CDC5L: variants seen among roughly 807,000 people sequenced by gnomAD.
CDC5L encodes the protein cell division cycle 5 like.
Under a neutral mutation model 104.1 loss-of-function variants are expected in CDC5L, and 18 were observed. That is an observed-to-expected ratio of 0.17 (90% CI 0.12 to 0.26). The LOEUF (loss-of-function observed/expected upper bound fraction) is 0.26. Ranked by LOEUF, CDC5L falls within the 10% of genes least tolerant of loss-of-function variation. The pLI is 1.00. For missense variants in CDC5L, 673 were observed against 956.9 expected (o/e 0.70, Z 3.91); for synonymous variants, 331 against 322.7 (o/e 1.03, Z -0.28).
At chr6:44,413,194 C>G (rs962216447) in intron 8 of CDC5L, among the ~76,000 whole-genome samples, 46 of 152,292 alleles carry the variant, frequency 3.0e-4, no homozygotes, top group African/African-American at 1.1e-3. Context: ...TACTTTGTGT[C>G]TCTATAGAGT....
chr6:44,397,504 A>T (rs553879107), intron 5 of CDC5L, among the ~76,000 whole-genome samples: 9 of 152,230 alleles, frequency 5.9e-5, no homozygotes, highest in African/African-American at 9.6e-5. Context: ...AACCATATTT[A>T]AAAAAAATTG....
At chr6:44,405,891 C>T (rs1791341272) in intron 6 of CDC5L, among the ~76,000 whole-genome samples, 1 of 150,518 alleles carries the variant, frequency 6.6e-6, no homozygotes, top group African/African-American at 2.4e-5. Flanking sequence ...TTGTTTTTAC[C>T]TTTTTTTAGC....
chr6:44,424,685 C>G (rs1340375612), intron 11 of CDC5L, 102 bp downstream of exon 11: 1 of 1,065,190 alleles, frequency 9.4e-7, no homozygotes, highest in Non-Finnish European at 1.4e-6. Flanking sequence ...CTACCTAGTC[C>G]TTTTTAATAT....
Position 44,387,780 on chromosome 6 carries a change from C to G in CDC5L, c.-44C>G. Reference sequence around the variant, plus strand: ...TGGCCCAATCGCTGTTACTACTTCTCTGAAGCTCCTCTCGGCTGCTTGCCG... The same window carrying G: ...TGGCCCAATCGCTGTTACTACTTCTGTGAAGCTCCTCTCGGCTGCTTGCCG... On this transcript the variant is annotated 5_prime_UTR_variant, in exon 1 of 16. Coordinates refer to ENST00000371477, the MANE Select transcript of CDC5L (RefSeq NM_001253.4). 1 of 1,536,168 alleles carries G rather than the reference C, an allele frequency of 6.5e-7. No individual in the cohort carries two copies. The highest frequency in any genetic ancestry group is 1.4e-5 in the African/African-American group (1 of 72,898).
At position 44,417,185 on chromosome 6, in the gene CDC5L, T is replaced by C. The variant is rs540274587; in HGVS notation, c.1093-2264T>C. ...CAGCGGTTCTGTGTGATTTGATGGA[T>C]AGGGGATAGAGTCATTTGGAGGTGT... On this transcript the variant is annotated intron_variant, in intron 8 of 15. Coordinates refer to ENST00000371477, the MANE Select transcript of CDC5L (RefSeq NM_001253.4). 2.0e-5 allele frequency among the ~76,000 whole-genome samples: 3 copies of C among 152,162 alleles called. No homozygotes were observed. In the South Asian group the frequency reaches 6.2e-4, roughly 32 times the overall value.
At chr6:44,414,270 A>G (rs1791802291) in intron 8 of CDC5L, among the ~76,000 whole-genome samples, 1 of 151,484 alleles carries the variant, frequency 6.6e-6, no homozygotes, top group Non-Finnish European at 1.5e-5. Context: ...TAGAGATGGG[A>G]TCTCACTATG....
intron 1 of CDC5L, among the ~76,000 whole-genome samples, chr6:44,389,131 G>A (rs947237401): frequency 6.6e-6 from 1 of 152,136 alleles, no homozygotes; most frequent in African/African-American, 2.4e-5. Flanking sequence ...ACAGGTATTT[G>A]CAGAATGAAT....
chr6:44,390,874 AAT>A (rs564972977), intron 2 of CDC5L, among the ~76,000 whole-genome samples: 562 of 147,782 alleles, frequency 3.8e-3, no homozygotes, highest in Admixed American at 5.7e-3. Flanking sequence ...TTTTATAGTT[AAT>A]ATGTTATATA....
chr6:44,427,121 G>A (rs940144257), intron 13 of CDC5L, among the ~76,000 whole-genome samples: 7 of 152,162 alleles, frequency 4.6e-5, no homozygotes, highest in African/African-American at 1.7e-4. Context: ...AATGTTTATA[G>A]ATTAAACCTT....
At chr6:44,403,109 A>G (rs1791204406) in intron 5 of CDC5L, among the ~76,000 whole-genome samples, 1 of 152,192 alleles carries the variant, frequency 6.6e-6, no homozygotes, top group Non-Finnish European at 1.5e-5. Flanking sequence ...GCACCAATAT[A>G]CTTTTTCATT....
Position 44,446,606 on chromosome 6 carries a change from G to T in CDC5L, c.2305-1G>T. The T allele has an allele frequency of 6.8e-7, 1 of 1,477,812 alleles. No individual in the cohort carries two copies. Among genetic ancestry groups the T allele is most frequent in the Non-Finnish European group, 9.2e-7 (1 of 1,088,420 alleles). 91.5% of individuals were successfully genotyped at this position (1,477,812 alleles called of 1,614,324 possible). On this transcript the variant is annotated splice_acceptor_variant, in intron 15 of 15. Transcript: ENST00000371477. LOFTEE classifies it high-confidence loss of function. Reference sequence around the variant, plus strand: ...TAATTACTTAATTTTTTTTCTTTAAGTGTCTAAAAGAAGACGTTCAGCGAC... The same window carrying T: ...TAATTACTTAATTTTTTTTCTTTAATTGTCTAAAAGAAGACGTTCAGCGAC...
At chr6:44,427,736 C>T (rs182938090) in intron 13 of CDC5L, among the ~76,000 whole-genome samples, 81 of 152,248 alleles carry the variant, frequency 5.3e-4, no homozygotes, top group African/African-American at 1.8e-3. Context: ...CTCTGTCGAG[C>T]ACATTTAATC....
At chr6:44,417,075 T>C (rs1213837118) in intron 8 of CDC5L, among the ~76,000 whole-genome samples, 3 of 152,216 alleles carry the variant, frequency 2.0e-5, no homozygotes, top group African/African-American at 7.2e-5. Flanking sequence ...TGCTTATGAC[T>C]TCTGTGAGTC....
At chr6:44,412,797 T>TG (rs1791709600) in intron 8 of CDC5L, among the ~76,000 whole-genome samples, 1 of 145,080 alleles carries the variant, frequency 6.9e-6, no homozygotes, top group Non-Finnish European at 1.5e-5. Context: ...TTTTTTTTTT[T>TG]TTTGAGACGG....
Position 44,392,745 on chromosome 6 carries a change from G to A in CDC5L, c.228G>A (p.Lys76=). 2 of 1,614,200 alleles carry A rather than the reference G, an allele frequency of 1.2e-6. No individual in the cohort carries two copies. Among genetic ancestry groups the A allele is most frequent in the Non-Finnish European group, 8.5e-7 (1 of 1,180,012 alleles). The change falls in exon 3 of 16, where the codon AAG becomes AAA. Residue 76 remains lysine (K), a synonymous_variant. Coordinates refer to ENST00000371477, the MANE Select transcript of CDC5L (RefSeq NM_001253.4). ...EEEEKLLHLA[K]LMPTQWRTIA... is the part of the protein sequence containing the mutation. ...AGGAAAAACTCTTGCACTTGGCCAAGTTGATGCCAACTCAGTGGAGGACCA... is the reference window on the plus strand; with the variant it reads ...AGGAAAAACTCTTGCACTTGGCCAAATTGATGCCAACTCAGTGGAGGACCA...
At chr6:44,439,472 T>G in intron 14 of CDC5L, among the ~76,000 whole-genome samples, 1 of 152,158 alleles carries the variant, frequency 6.6e-6, no homozygotes, top group East Asian at 1.9e-4. Context: ...CTAACGCTAT[T>G]TTTACACTGT....
intron 8 of CDC5L, 148 bp downstream of exon 8, chr6:44,408,780 TG>T (rs1191424158): frequency 2.1e-6 from 1 of 468,812 alleles, no homozygotes; most frequent in Non-Finnish European, 3.7e-6. Flanking sequence ...GCAATATTTC[TG>T]TAGTAGAGAA....
chr6:44,408,497 T>G lies in CDC5L; in HGVS notation c.957T>G (p.Ile319Met). The G allele has an allele frequency of 6.2e-7, 1 of 1,614,042 alleles. No homozygotes were observed. Among genetic ancestry groups the G allele is most frequent in the Non-Finnish European group, 8.5e-7 (1 of 1,179,922 alleles). Residue 319 changes from isoleucine (I) to methionine (M), a missense_variant, in exon 8 of 16, where the codon ATT (isoleucine) becomes ATG (methionine). By Grantham distance (10) the Ile-to-Met change is conservative. Coordinates refer to ENST00000371477, the MANE Select transcript of CDC5L (RefSeq NM_001253.4). ...EVVKVGQASE[I>M]ARQTAEESGI... is the part of the protein sequence containing the mutation. Reference sequence around the variant, plus strand: ...TAAAAGTAGGCCAAGCGAGTGAAATTGCACGTCAAACTGCCGAGGAATCTG... The same window carrying G: ...TAAAAGTAGGCCAAGCGAGTGAAATGGCACGTCAAACTGCCGAGGAATCTG...
chr6:44,395,355 C>T (rs1790822997), intron 4 of CDC5L, among the ~76,000 whole-genome samples: 1 of 152,086 alleles, frequency 6.6e-6, no homozygotes. Context: ...TCACATGTAC[C>T]CTATAAATAT....
Sources: gnomAD v4.1 joint callset for allele counts (sites outside exome capture counted in the v4.1 genomes callset) on GRCh38, gnomAD v4.1.1 for gene constraint, MANE v1.5 for transcripts, NCBI Gene and HGNC (gene_info 2026-07-23, HGNC 2026-07-21) for gene names.